The following RNASEH2B variants were observed in gnomAD, a reference collection of about 807,000 sequenced individuals.
RNASEH2B encodes ribonuclease H2 subunit B.
RNASEH2B carries 36 observed loss-of-function variants against 45.0 expected under a neutral mutation model. The observed-to-expected ratio is 0.80, with a 90% confidence interval of 0.61 to 1.06. The LOEUF (loss-of-function observed/expected upper bound fraction) is 1.06, where lower values mean the gene tolerates loss of function less well. Ranked by LOEUF, RNASEH2B falls within the 50% of genes least tolerant of loss-of-function variation. RNASEH2B has a pLI of 0.00. For missense variants in RNASEH2B, 361 were observed against 360.3 expected (o/e 1.00, Z -0.02); for synonymous variants, 119 against 125.7 (o/e 0.95, Z 0.35).
chr13:50,927,433 A>T lies in RNASEH2B; in HGVS notation c.91A>T (p.Met31Leu). 1 of 1,600,472 alleles carries T rather than the reference A, an allele frequency of 6.2e-7. No individual in the cohort carries two copies. The highest frequency in any genetic ancestry group is 8.6e-7 in the Non-Finnish European group (1 of 1,167,800). The change falls in exon 2 of 11, where the codon ATG becomes TTG. Residue 31 changes from methionine (M) to leucine (L), a missense_variant. Physicochemically the swap from Met to Leu is conservative, Grantham distance 15. Transcript: ENST00000336617. ...ATATTTAAAAGATGCTTCAAAGAAGATGAAAAATGGGCTAATGTTTGTAAA... is the reference window on the plus strand; with the variant it reads ...ATATTTAAAAGATGCTTCAAAGAAGTTGAAAAATGGGCTAATGTTTGTAAA... ...SEYLKDASKK[M>L]KNGLMFVKLV...
At chr13:50,965,321 C>T (rs76953404) in intron 9 of RNASEH2B, among the ~76,000 whole-genome samples, 2,583 of 152,300 alleles carry the variant, frequency 0.017, 72 homozygotes, top group African/African-American at 0.059. Context: ...TAGCAGACTA[C>T]ACCATAGGTC....
intron 1 of RNASEH2B, among the ~76,000 whole-genome samples, chr13:50,922,729 T>G (rs1951541531): frequency 6.6e-6 from 1 of 152,240 alleles, no homozygotes. Flanking sequence ...TGTTATTATC[T>G]GAAGTGCTCA....
Position 50,956,540 on chromosome 13 carries a change from T to A in RNASEH2B, c.*66T>A, listed in dbSNP as rs1952053400. 2 of 1,547,744 alleles carry A rather than the reference T, an allele frequency of 1.3e-6. No homozygotes were observed. The highest frequency in any genetic ancestry group is 1.9e-5 in the Admixed American group (1 of 52,734). On this transcript the variant is annotated 3_prime_UTR_variant, in exon 11 of 11. Coordinates refer to ENST00000336617, the MANE Select transcript of RNASEH2B (RefSeq NM_024570.4). The stretch of plus-strand genomic sequence containing the variant: ...CATGTTTCAGTTTGTCCTTCCTGAC[T>A]GTTAATGACTACCTTTGGTTGGGGG...
At chr13:50,924,834 A>T (rs577939746) in intron 1 of RNASEH2B, among the ~76,000 whole-genome samples, 3 of 152,284 alleles carry the variant, frequency 2.0e-5, no homozygotes, top group African/African-American at 7.2e-5. Flanking sequence ...GGCATGCACC[A>T]CCATGCCCAG....
intron 1 of RNASEH2B, among the ~76,000 whole-genome samples, chr13:50,914,043 ATTTTT>A (rs10596567): frequency 2.9e-5 from 4 of 138,762 alleles, no homozygotes; most frequent in Non-Finnish European, 4.7e-5. Context: ...AGTCTTGAAG[ATTTTT>A]TTTTTTTTTT....
Position 50,943,177 on chromosome 13 carries a change from A to G in RNASEH2B, c.437-144A>G, listed in dbSNP as rs1224320272. 1.4e-5 allele frequency: 9 copies of G among 626,240 alleles called. No individual in the cohort carries two copies. The African/African-American group carries it at 1.5e-4, about 10-fold the overall frequency. The allele number at this position is 626,240 out of a possible 1,614,324, so 38.8% of individuals were successfully genotyped here. On this transcript the variant is annotated intron_variant, in intron 5 of 10. Coordinates refer to ENST00000336617, the MANE Select transcript of RNASEH2B (RefSeq NM_024570.4). ...TACTAACATTTAAAAAAACATTTCA[A>G]GTATGTTCTCAGGTTTGTAAATTAA...
rs1952055549 is a variant in RNASEH2B, at chr13:50,956,644, GT to G, written c.*171del. On this transcript the variant is annotated 3_prime_UTR_variant, in exon 11 of 11. Transcript: ENST00000336617. ...GTGTTCCTGAACAAAATATGGGAAA[GT>G]GTCTAACTTCATGGCTATGGCCTTT... The G allele has an allele frequency of 7.1e-7, 1 of 1,408,824 alleles. No individual in the cohort carries two copies. Among genetic ancestry groups the G allele is most frequent in the Admixed American group, 2.7e-5 (1 of 37,466 alleles). 87.3% of individuals were successfully genotyped at this position (1,408,824 alleles called of 1,614,324 possible). A position where few individuals can be genotyped will look rare whatever the true frequency, so the allele number is the denominator to read the frequency against.
At chr13:50,916,593 T>C (rs1387164354) in intron 1 of RNASEH2B, among the ~76,000 whole-genome samples, 1 of 152,188 alleles carries the variant, frequency 6.6e-6, no homozygotes, top group African/African-American at 2.4e-5. Context: ...TAAAGATACA[T>C]TTACAGAGCT....
chr13:50,956,357 G>GA lies in RNASEH2B; in HGVS notation c.827dup (p.Asn276LysfsTer2), dbSNP rs746868812. On this transcript the variant is annotated frameshift_variant and splice_region_variant. Transcript: ENST00000336617. LOFTEE classifies it high-confidence loss of function. The stretch of plus-strand genomic sequence containing the variant: ...TTTTTCTCTCTTATTTTCATTAACA[G>GA]AAAAATAGCAAAATGACTGCAGCTC... The GA allele has an allele frequency of 4.2e-5, 67 of 1,592,596 alleles. No homozygotes were observed. Among genetic ancestry groups the GA allele is most frequent in the Non-Finnish European group, 5.1e-5 (60 of 1,166,208 alleles).
intron 10 of RNASEH2B, chr13:50,955,299 G>A (rs1952030198): frequency 6.6e-6 from 1 of 151,990 alleles, no homozygotes; most frequent in East Asian, 1.9e-4. Context: ...AATTTATTTG[G>A]GCATATGATA....
chr13:50,949,250 A>G (rs1951945078), intron 8 of RNASEH2B: 4 of 557,422 alleles, frequency 7.2e-6, no homozygotes, highest in Non-Finnish European at 9.6e-6. Flanking sequence ...TTTAGTTCAG[A>G]CAACACCAAA....
intron 9 of RNASEH2B, among the ~76,000 whole-genome samples, chr13:50,964,757 A>G (rs1952148646): frequency 6.6e-6 from 1 of 152,158 alleles, no homozygotes. Context: ...AAAGTGCCTA[A>G]GCTGTTTTCT....
chr13:50,920,883 A>T (rs541103089), intron 1 of RNASEH2B, among the ~76,000 whole-genome samples: 2 of 152,238 alleles, frequency 1.3e-5, no homozygotes, highest in East Asian at 3.9e-4. Context: ...CATTGCCTTG[A>T]TTTTTACATA....
intron 4 of RNASEH2B, among the ~76,000 whole-genome samples, chr13:50,931,442 T>C (rs746438254): frequency 5.3e-5 from 8 of 152,168 alleles, no homozygotes; most frequent in Non-Finnish European, 1.0e-4. Context: ...TTAAAAATAA[T>C]AAGGCCATTA....
At position 50,910,431 on chromosome 13, in the gene RNASEH2B, G is replaced by A. The variant is rs540531498; in HGVS notation, c.64+291G>A. 3.2e-4 allele frequency: 96 copies of A among 304,678 alleles called. 1 individual carries two copies. The highest frequency in any genetic ancestry group is 2.0e-3 in the African/African-American group (94 of 45,996). The allele number at this position is 304,678 out of a possible 1,614,324, so 18.9% of individuals were successfully genotyped here. ...CCTGAGGGGAGCCACGCGGGTTCGC[G>A]GTCACCGGTGCGCTGCGGGCCCCGG... On this transcript the variant is annotated intron_variant, in intron 1 of 10. Transcript: ENST00000336617.
chr13:50,927,640 A>T (rs1490202165), intron 2 of RNASEH2B, among the ~76,000 whole-genome samples, 162 bp downstream of exon 2: 1 of 152,236 alleles, frequency 6.6e-6, no homozygotes, highest in Non-Finnish European at 1.5e-5. Flanking sequence ...GTCTTCCCAG[A>T]TAATTCATTT....
At chr13:50,915,532 C>G (rs944043244) in intron 1 of RNASEH2B, 1 of 398,570 alleles carries the variant, frequency 2.5e-6, no homozygotes, top group Admixed American at 4.4e-5. Context: ...CATTTAAGTG[C>G]CATTTTTATA....
chr13:50,929,656 G>A, intron 3 of RNASEH2B, 74 bp downstream of exon 3: 1 of 962,786 alleles, frequency 1.0e-6, no homozygotes, highest in Non-Finnish European at 1.7e-6. Flanking sequence ...ACGTGGGGTT[G>A]TGGGTCTGTC....
At chr13:50,943,961 C>A (rs1445091841) in intron 6 of RNASEH2B, among the ~76,000 whole-genome samples, 1 of 150,644 alleles carries the variant, frequency 6.6e-6, no homozygotes, top group Non-Finnish European at 1.5e-5. Flanking sequence ...ACCAGTATTT[C>A]TCTTGGAATG....
Sources: allele counts gnomAD v4.1 joint callset (sites outside exome capture counted in the v4.1 genomes callset), GRCh38; gene constraint gnomAD v4.1.1; transcripts MANE v1.5; gene names NCBI Gene and HGNC (gene_info 2026-07-23, HGNC 2026-07-21).